The following MIOS variants were observed in gnomAD, a reference collection of about 807,000 sequenced individuals.
MIOS encodes the protein GATOR2 complex protein MIOS.
A neutral mutation model predicts 96.9 loss-of-function variants in MIOS; 52 were observed. The observed-to-expected ratio is 0.54, with a 90% CI of 0.43 to 0.68. The LOEUF (loss-of-function observed/expected upper bound fraction) is 0.68. Ranked by LOEUF, MIOS falls within the 30% of genes least tolerant of loss-of-function variation. MIOS has a pLI of 0.00. For missense variants in MIOS, 1,005 were observed against 1,052.8 expected (o/e 0.95, Z 0.63); for synonymous variants, 397 against 359.5 (o/e 1.10, Z -1.18).
intron 6 of MIOS, 41 bp downstream of exon 6, chr7:7,583,413 T>C: frequency 6.7e-7 from 1 of 1,493,652 alleles, no homozygotes; most frequent in Non-Finnish European, 8.9e-7. Flanking sequence ...TAATCTAAGA[T>C]GTTAGCAGTT....
In MIOS at chr7:7,607,414, T is replaced by C. The variant is rs1784562520; in HGVS notation, c.*322T>C. The stretch of plus-strand genomic sequence containing the variant: ...TTTCTGGAAGAGCCAAGAACAGACT[T>C]TGAGCCTATATCTTCAAAGCTGAAA... On this transcript the variant is annotated 3_prime_UTR_variant, in exon 13 of 13. Transcript: ENST00000340080. 5.7e-6 allele frequency: 1 copy of C among 175,892 alleles called. No homozygotes were observed. Among genetic ancestry groups the C allele is most frequent in the Admixed American group, 6.3e-5 (1 of 15,984 alleles). The allele number at this position is 175,892 out of a possible 1,614,324, so 10.9% of individuals were successfully genotyped here. A position where few individuals can be genotyped will look rare whatever the true frequency, so the allele number is the denominator to read the frequency against.
At chr7:7,574,442 G>A (rs528969733) in intron 5 of MIOS, among the ~76,000 whole-genome samples, 27 of 151,998 alleles carry the variant, frequency 1.8e-4, no homozygotes, top group African/African-American at 5.3e-4. Flanking sequence ...CTATCCACAC[G>A]TTTATTCAAT....
At chr7:7,601,989 A>G (rs1043607295) in intron 11 of MIOS, among the ~76,000 whole-genome samples, 2 of 152,228 alleles carry the variant, frequency 1.3e-5, no homozygotes, top group African/African-American at 4.8e-5. Flanking sequence ...TTATCTCAAT[A>G]GATGCAGAAA....
chr7:7,601,114 A>G (rs1370176004), intron 11 of MIOS, among the ~76,000 whole-genome samples: 3 of 152,226 alleles, frequency 2.0e-5, no homozygotes, highest in African/African-American at 4.8e-5. Context: ...GAGAGTAAGC[A>G]GGAAAGATCT....
chr7:7,605,763 G>A, intron 11 of MIOS, 179 bp from the exon 12 acceptor site: 1 of 500,160 alleles, frequency 2.0e-6, no homozygotes, highest in Non-Finnish European at 3.4e-6. Flanking sequence ...TATTAAAAAT[G>A]TAGGGGAGCT....
intron 8 of MIOS, 40 bp from the exon 9 acceptor site, chr7:7,589,365 G>T (rs147096223): frequency 1.3e-6 from 2 of 1,587,582 alleles, no homozygotes; most frequent in African/African-American, 1.3e-5. Flanking sequence ...AATACATAGT[G>T]AAACAGATTG....
In MIOS at chr7:7,596,462, G is replaced by C. The variant is rs1269986200; in HGVS notation, c.2401+1G>C. On this transcript the variant is annotated splice_donor_variant, in intron 11 of 12. Transcript: ENST00000340080. LOFTEE classifies it high-confidence loss of function. ...GGAACACCAGTTTCTAGCTGTCCTGGTATGACATAATTTTACAAAATACTT... is the reference window on the plus strand; with the variant it reads ...GGAACACCAGTTTCTAGCTGTCCTGCTATGACATAATTTTACAAAATACTT... 1.2e-6 allele frequency: 2 copies of C among 1,611,488 alleles called. No individual in the cohort carries two copies. The highest frequency in any genetic ancestry group is 2.7e-5 in the African/African-American group (2 of 74,820).
chr7:7,579,877 A>G (rs774302293), intron 5 of MIOS, among the ~76,000 whole-genome samples: 1 of 152,186 alleles, frequency 6.6e-6, no homozygotes, highest in Admixed American at 6.5e-5. Context: ...TTGCGTAATG[A>G]CACATTTCTC....
chr7:7,577,348 C>A (rs1783569597), intron 5 of MIOS, among the ~76,000 whole-genome samples: 1 of 152,024 alleles, frequency 6.6e-6, no homozygotes, highest in Admixed American at 6.6e-5. Flanking sequence ...GTATGGATAG[C>A]AAATTGCAGT....
chr7:7,592,006 A>C (rs1430382935), intron 9 of MIOS, among the ~76,000 whole-genome samples: 1 of 147,870 alleles, frequency 6.8e-6, no homozygotes, highest in African/African-American at 2.5e-5. Context: ...TTTAAGACAG[A>C]GTCTTGCTGT....
At position 7,568,122 on chromosome 7, in the gene MIOS, AG is replaced by A. The variant is rs1352317688; in HGVS notation, c.-41+1del. ...GGAAGTGAGACTTGTTAAACTTGAA[AG>A]GTGAGGATATAAATACAAGCTGTAA... is the stretch of plus-strand genomic sequence containing the variant. On this transcript the variant is annotated splice_region_variant and 5_prime_UTR_variant, in exon 3 of 13. In the 5' UTR this introduces an upstream ATG that the reference lacks. Coordinates refer to ENST00000340080, the MANE Select transcript of MIOS (RefSeq NM_019005.4). 1 of 152,240 alleles carries A rather than the reference AG, an allele frequency of 6.6e-6. No homozygotes were observed. The highest frequency in any genetic ancestry group is 2.4e-5 in the African/African-American group (1 of 41,462). The allele number at this position is 152,240 out of a possible 1,614,324, so 9.4% of individuals were successfully genotyped here.
In MIOS at chr7:7,596,442, A is replaced by G. The variant is rs1221281479; in HGVS notation, c.2382A>G (p.Thr794=). The G allele has an allele frequency of 1.2e-6, 2 of 1,613,956 alleles. No homozygotes were observed. The highest frequency in any genetic ancestry group is 1.7e-6 in the Non-Finnish European group (2 of 1,179,926). ...RCALCLINMG[T]PVSSCPGGTK... ...CGCTTTGTCTCATTAATATGGGAAC[A>G]CCAGTTTCTAGCTGTCCTGGTATGA... The change falls in exon 11 of 13, where the codon ACA becomes ACG. Residue 794 remains threonine, a synonymous_variant. Transcript: ENST00000340080.
chr7:7,605,438 G>T (rs1446726080), intron 11 of MIOS: 1 of 152,596 alleles, frequency 6.6e-6, no homozygotes, highest in East Asian at 1.9e-4. Flanking sequence ...GGGACTACAG[G>T]CATGTGTCAC....
intron 9 of MIOS, among the ~76,000 whole-genome samples, chr7:7,593,973 A>C (rs538893441): frequency 9.4e-4 from 143 of 152,224 alleles, no homozygotes; most frequent in African/African-American, 3.3e-3. Context: ...GGGAAAATAC[A>C]ACTTTAGGAA....
chr7:7,598,691 G>A (rs892447955), intron 11 of MIOS, among the ~76,000 whole-genome samples: 16 of 151,780 alleles, frequency 1.1e-4, no homozygotes, highest in African/African-American at 3.9e-4. Flanking sequence ...GAAGCTATAA[G>A]GATTATTTGC....
rs539321451 is a variant in MIOS, at chr7:7,601,715, C to G, written c.2402-4227C>G. Reference sequence around the variant, plus strand: ...GAAAAAGAGGGAATCCTCCCCAACTCATTTTATGAGGCCAGCATCATCCTG... The same window carrying G: ...GAAAAAGAGGGAATCCTCCCCAACTGATTTTATGAGGCCAGCATCATCCTG... On this transcript the variant is annotated intron_variant, in intron 11 of 12. Coordinates refer to ENST00000340080, the MANE Select transcript of MIOS (RefSeq NM_019005.4). Among the ~76,000 whole-genome samples the G allele has an allele frequency of 3.8e-4, 58 of 152,332 alleles. 1 individual carries two copies. The highest frequency in any genetic ancestry group is 2.3e-3 in the Admixed American group (35 of 15,304).
intron 6 of MIOS, 100 bp from the exon 7 acceptor site, chr7:7,585,536 G>A: frequency 1.8e-6 from 2 of 1,108,136 alleles, no homozygotes; most frequent in South Asian, 4.6e-5. Context: ...TTTTTCTGAG[G>A]GTAAAAGTCA....
chr7:7,585,527 T>C, intron 6 of MIOS, 109 bp from the exon 7 acceptor site: 1 of 983,526 alleles, frequency 1.0e-6, no homozygotes, highest in South Asian at 2.8e-5. Flanking sequence ...CTGAGCTCAT[T>C]TTTCTGAGGG....
intron 5 of MIOS, among the ~76,000 whole-genome samples, chr7:7,576,325 C>T (rs1421012571): frequency 6.6e-6 from 1 of 152,174 alleles, no homozygotes; most frequent in Non-Finnish European, 1.5e-5. Context: ...GGAGATTGAG[C>T]AGGATCAATG....
Sources: allele counts gnomAD v4.1 joint callset (sites outside exome capture counted in the v4.1 genomes callset), GRCh38; gene constraint gnomAD v4.1.1; transcripts MANE v1.5; gene names NCBI Gene and HGNC (gene_info 2026-07-23, HGNC 2026-07-21).